Variants in LRFN2 observed in about 807,000 individuals in gnomAD.
LRFN2 encodes the protein leucine-rich repeat and fibronectin type-III domain-containing protein 2.
Under a neutral mutation model 37.3 loss-of-function variants are expected in LRFN2, and 18 were observed. That is an observed-to-expected ratio of 0.48 (90% confidence interval 0.33 to 0.72). The LOEUF (loss-of-function observed/expected upper bound fraction) is 0.72. LRFN2 is among the 30% of genes least tolerant of loss of function. The pLI is 0.02. For missense variants in LRFN2, 1,006 were observed against 1,060.7 expected (o/e 0.95, Z 0.72); for synonymous variants, 556 against 466.6 (o/e 1.19, Z -2.47).
chr6:40,571,120 C>G (rs944167487), intron 1 of LRFN2, among the ~76,000 whole-genome samples: 2 of 152,192 alleles, frequency 1.3e-5, no homozygotes, highest in Non-Finnish European at 2.9e-5. Flanking sequence ...GTCACAGGAC[C>G]ATCATGGTGC....
At chr6:40,484,073 G>C (rs1380866437) in intron 1 of LRFN2, among the ~76,000 whole-genome samples, 1 of 152,192 alleles carries the variant, frequency 6.6e-6, no homozygotes, top group Non-Finnish European at 1.5e-5. Flanking sequence ...GGGGCTTTCT[G>C]TGTACCCATG....
At chr6:40,451,014 A>G (rs536712602) in intron 1 of LRFN2, among the ~76,000 whole-genome samples, 8 of 152,222 alleles carry the variant, frequency 5.3e-5, no homozygotes, top group Admixed American at 1.3e-4. Flanking sequence ...ATGCATCTCC[A>G]TGGATATCAC....
At chr6:40,552,000 T>A (rs745850262) in intron 1 of LRFN2, among the ~76,000 whole-genome samples, 32 of 152,236 alleles carry the variant, frequency 2.1e-4, no homozygotes, top group Admixed American at 7.9e-4. Flanking sequence ...AAAAATCCAT[T>A]TATACAAAAT....
intron 1 of LRFN2, among the ~76,000 whole-genome samples, chr6:40,512,764 A>T (rs1368611847): frequency 6.6e-6 from 1 of 152,202 alleles, no homozygotes; most frequent in African/African-American, 2.4e-5. Context: ...GGTGCCAGAG[A>T]CACACGTCCT....
chr6:40,504,760 C>T (rs1765485837), intron 1 of LRFN2, among the ~76,000 whole-genome samples: 1 of 152,124 alleles, frequency 6.6e-6, no homozygotes, highest in African/African-American at 2.4e-5. Flanking sequence ...CAGCCCTTTT[C>T]AATTTCCAAA....
At chr6:40,575,395 G>A (rs1767260274) in intron 1 of LRFN2, among the ~76,000 whole-genome samples, 1 of 152,060 alleles carries the variant, frequency 6.6e-6, no homozygotes, top group African/African-American at 2.4e-5. Flanking sequence ...AGGTCAGGAT[G>A]TCACCCTCCT....
At chr6:40,443,610 C>T (rs546945848) in intron 1 of LRFN2, among the ~76,000 whole-genome samples, 1 of 152,350 alleles carries the variant, frequency 6.6e-6, no homozygotes, top group South Asian at 2.1e-4. Context: ...GTCTCCCTGC[C>T]TGCACCTTTC....
At chr6:40,435,084 G>GAGACAGAGAGAC (rs1554134665) in intron 1 of LRFN2, among the ~76,000 whole-genome samples, 21 of 131,650 alleles carry the variant, frequency 1.6e-4, no homozygotes, top group Non-Finnish European at 2.7e-4. Context: ...GAGAGAGAGA[G>GAGACAGAGAGAC]AGAGAGACAG....
At chr6:40,477,029 G>C (rs530639006) in intron 1 of LRFN2, among the ~76,000 whole-genome samples, 1 of 152,220 alleles carries the variant, frequency 6.6e-6, no homozygotes, top group African/African-American at 2.4e-5. Context: ...TTGATGATCA[G>C]GAAATGGATT....
At chr6:40,457,843 G>A (rs1404746164) in intron 1 of LRFN2, among the ~76,000 whole-genome samples, 1 of 152,042 alleles carries the variant, frequency 6.6e-6, no homozygotes, top group Non-Finnish European at 1.5e-5. Flanking sequence ...GACTGCATTT[G>A]GCCAATGAAA....
chr6:40,534,313 T>C (rs1766408666), intron 1 of LRFN2, among the ~76,000 whole-genome samples: 2 of 152,044 alleles, frequency 1.3e-5, no homozygotes, highest in Non-Finnish European at 2.9e-5. Context: ...TTATGAGAAA[T>C]GGTGAAAGCT....
chr6:40,503,054 A>C (rs1765430718), intron 1 of LRFN2, among the ~76,000 whole-genome samples: 1 of 152,200 alleles, frequency 6.6e-6, no homozygotes, highest in South Asian at 2.1e-4. Context: ...CTGGGAGGCC[A>C]TGGAACCTAG....
At position 40,514,369 on chromosome 6, in the gene LRFN2, C is replaced by G. The variant is rs543953399; in HGVS notation, c.-19+72572G>C. Among the ~76,000 whole-genome samples the G allele has an allele frequency of 1.9e-4, 29 of 152,250 alleles. No individual in the cohort carries two copies. In the South Asian group the frequency reaches 5.8e-3, roughly 31 times the overall value. On this transcript the variant is annotated intron_variant, in intron 1 of 2. Transcript: ENST00000338305. ...TTGCTCTGTCGCCCAGGCTGGAATGCAGTAGTGCAATCTCAGCTCTCCGCA... is the reference window on the plus strand; with the variant it reads ...TTGCTCTGTCGCCCAGGCTGGAATGGAGTAGTGCAATCTCAGCTCTCCGCA...
chr6:40,551,847 C>A (rs1766782623), intron 1 of LRFN2, among the ~76,000 whole-genome samples: 1 of 152,020 alleles, frequency 6.6e-6, no homozygotes, highest in East Asian at 1.9e-4. Context: ...TCTGACATAC[C>A]AACATGATAG....
chr6:40,399,938 C>A (rs984098926), intron 2 of LRFN2, among the ~76,000 whole-genome samples: 2 of 151,820 alleles, frequency 1.3e-5, no homozygotes, highest in Non-Finnish European at 2.9e-5. Flanking sequence ...CTTTAGGAAA[C>A]AATTTACCAG....
At chr6:40,585,954 G>A (rs997631583) in intron 1 of LRFN2, among the ~76,000 whole-genome samples, 1 of 152,118 alleles carries the variant, frequency 6.6e-6, no homozygotes. Flanking sequence ...GCTCTGACAT[G>A]TTCCCTGTCC....
chr6:40,476,156 GC>G (rs1764705510), intron 1 of LRFN2, among the ~76,000 whole-genome samples: 1 of 152,114 alleles, frequency 6.6e-6, no homozygotes, highest in Non-Finnish European at 1.5e-5. Flanking sequence ...GTCAGACTGG[GC>G]CTTCCATGCC....
At chr6:40,578,551 C>T (rs559963165) in intron 1 of LRFN2, among the ~76,000 whole-genome samples, 2 of 152,184 alleles carry the variant, frequency 1.3e-5, no homozygotes, top group Admixed American at 1.3e-4. Context: ...GTGGAGATTC[C>T]CCAAATTAAT....
rs1396453638 is a variant in LRFN2 at position 40,392,383 on chromosome 6, G to A, written c.1930C>T (p.Pro644Ser). 1.9e-6 allele frequency: 3 copies of A among 1,589,646 alleles called. No homozygotes were observed. The highest frequency in any genetic ancestry group is 2.3e-5 in the South Asian group (2 of 87,978). ...GLGRAPWRIP[P>S]SAPRPKPSLD... The stretch of plus-strand genomic sequence containing the variant: ...CTGGGCTTGGGGCGCGGGGCGGAGG[G>A]TGGGATCCTCCAGGGGGCCCGTCCC... The change falls in exon 3 of 3, where the codon CCC (proline) becomes TCC (serine). Residue 644 changes from proline to serine, a missense_variant. Transcript: ENST00000338305. This position sits in a 1 kb window ranked among gnomAD's most constrained non-coding sequence, Gnocchi z 4.7.
Sources: gnomAD v4.1 joint callset for allele counts (sites outside exome capture counted in the v4.1 genomes callset) on GRCh38, gnomAD v4.1.1 for gene constraint, Gnocchi (gnomAD v3.1) non-coding constraint, MANE v1.5 for transcripts, NCBI Gene and HGNC (gene_info 2026-07-23, HGNC 2026-07-21) for gene names.